The following KANSL1 variants were observed in gnomAD, a reference collection of about 807,000 sequenced individuals.
KANSL1 encodes the protein KAT8 regulatory NSL complex subunit 1.
In KANSL1, 22 loss-of-function variants were observed where a neutral mutation model predicts 103.6. The ratio of observed to expected loss-of-function variants is 0.21; its 90% confidence interval spans 0.15 to 0.30. The LOEUF is 0.30. KANSL1 is among the 10% of genes least tolerant of loss of function. The pLI is 1.00. For missense variants in KANSL1, 1,337 were observed against 1,399.8 expected (o/e 0.96, Z 0.72); for synonymous variants, 600 against 527.6 (o/e 1.14, Z -1.88).
chr17:46,034,740 G>T (rs1199590745), intron 10 of KANSL1: 1 of 177,216 alleles, frequency 5.6e-6, no homozygotes, highest in Non-Finnish European at 1.2e-5. Context: ...CAAAGGATAG[G>T]CCCATCTCAA....
intron 2 of KANSL1, among the ~76,000 whole-genome samples, chr17:46,131,615 A>T (rs1432827071): frequency 6.6e-6 from 1 of 152,242 alleles, no homozygotes; most frequent in Non-Finnish European, 1.5e-5. Context: ...TATTCTGCTG[A>T]GCACTATACA....
intron 2 of KANSL1, among the ~76,000 whole-genome samples, chr17:46,114,140 C>T (rs1317427214): frequency 2.0e-5 from 3 of 152,216 alleles, no homozygotes; most frequent in Admixed American, 2.0e-4. Context: ...TAGGGCAGAT[C>T]ACAAGGTCAC....
intron 1 of KANSL1, among the ~76,000 whole-genome samples, chr17:46,186,634 C>T (rs2047048878): frequency 6.6e-6 from 1 of 152,200 alleles, no homozygotes; most frequent in Non-Finnish European, 1.5e-5. Context: ...TTTTTGGAGA[C>T]ATGCTTAAGG....
At chr17:46,129,382 A>C (rs1428740725) in intron 2 of KANSL1, among the ~76,000 whole-genome samples, 5 of 152,262 alleles carry the variant, frequency 3.3e-5, no homozygotes, top group African/African-American at 1.2e-4. Context: ...TTCAACTCAA[A>C]GCACCACCTG....
At chr17:46,191,292 A>T (rs1399852205) in intron 1 of KANSL1, among the ~76,000 whole-genome samples, 1 of 152,364 alleles carries the variant, frequency 6.6e-6, no homozygotes, top group East Asian at 1.9e-4. Flanking sequence ...ATTACTACTC[A>T]AAAGTATTCA....
intron 1 of KANSL1, among the ~76,000 whole-genome samples, chr17:46,215,780 C>T (rs2048321025): frequency 6.6e-6 from 1 of 152,350 alleles, no homozygotes; most frequent in South Asian, 2.1e-4. Context: ...GTGGCTCACG[C>T]CTGTAATCCC....
At chr17:46,200,314 A>G (rs558938058) in intron 1 of KANSL1, among the ~76,000 whole-genome samples, 1 of 152,364 alleles carries the variant, frequency 6.6e-6, no homozygotes, top group African/African-American at 2.4e-5. Context: ...AAGGAAACAT[A>G]AAGGTAAATA....
rs2046282827 is a variant in KANSL1, at chr17:46,171,428, T to C, written c.716A>G (p.Gln239Arg). ...TCTACTGCTTCCTTGAAGTGCCGGC[T>C]GTTCCATGGAATTGACAGAGGATTT... The part of the protein sequence containing the change: ...ANKSSVNSME[Q>R]PALQGSSRLS... Residue 239 changes from glutamine to arginine, a missense_variant, in exon 2 of 15, where the codon CAG (glutamine) becomes CGG (arginine). Gln to Arg is a conservative substitution (Grantham distance 43). Coordinates refer to ENST00000432791, the MANE Select transcript of KANSL1 (RefSeq NM_015443.4). The C allele has an allele frequency of 1.2e-6, 2 of 1,614,154 alleles. No homozygotes were observed. The highest frequency in any genetic ancestry group is 4.5e-5 in the East Asian group (2 of 44,870).
chr17:46,195,536 A>G (rs2047577180), upstream of KANSL1, among the ~76,000 whole-genome samples: 4 of 152,224 alleles, frequency 2.6e-5, no homozygotes, highest in South Asian at 8.3e-4. Context: ...CTTATCTAAA[A>G]TCAGACATCT....
Position 46,031,381 on chromosome 17 carries a change from A to C in KANSL1, c.*95T>G. On this transcript the variant is annotated 3_prime_UTR_variant, in exon 15 of 15. Transcript: ENST00000432791. ...CCTTAAGTTCACTAAAAACTGTGAA[A>C]ATTTCCGGCATATGATGTTTGAATA... 4 of 1,195,534 alleles carry C rather than the reference A, an allele frequency of 3.3e-6. No homozygotes were observed. The Admixed American group carries it at 8.3e-5, about 25-fold the overall frequency. The allele number at this position is 1,195,534 out of a possible 1,614,324, so 74.1% of individuals were successfully genotyped here. A position where few individuals can be genotyped will look rare whatever the true frequency, so the allele number is the denominator to read the frequency against.
At chr17:46,188,993 A>G (rs2047167255) in intron 1 of KANSL1, among the ~76,000 whole-genome samples, 1 of 138,518 alleles carries the variant, frequency 7.2e-6, no homozygotes, top group Admixed American at 7.7e-5. Flanking sequence ...AGATCGCGCC[A>G]CTGCACTCCA....
At chr17:46,170,473 C>G (rs2046226281) in intron 2 of KANSL1, 1 of 236,736 alleles carries the variant, frequency 4.2e-6, no homozygotes, top group South Asian at 1.5e-4. Flanking sequence ...AGCATTTGTC[C>G]CTGCTTACTG....
chr17:46,085,399 C>T (rs1164149420), intron 3 of KANSL1, among the ~76,000 whole-genome samples: 2 of 152,182 alleles, frequency 1.3e-5, no homozygotes, highest in Non-Finnish European at 2.9e-5. Flanking sequence ...TCCTAAAGCA[C>T]GGTGATTGTA....
At chr17:46,108,662 G>A (rs1395815843) in intron 2 of KANSL1, among the ~76,000 whole-genome samples, 1 of 152,204 alleles carries the variant, frequency 6.6e-6, no homozygotes, top group Non-Finnish European at 1.5e-5. Flanking sequence ...AGGGAAGGAA[G>A]GAAGCAGGAA....
intron 2 of KANSL1, among the ~76,000 whole-genome samples, chr17:46,107,962 T>G (rs186188164): frequency 1.3e-5 from 2 of 152,344 alleles, no homozygotes; most frequent in Admixed American, 1.3e-4. Flanking sequence ...ATTCAGCCAC[T>G]TCTTGCCACT....
chr17:46,164,966 G>A (rs1294682166), intron 2 of KANSL1, among the ~76,000 whole-genome samples: 2 of 152,142 alleles, frequency 1.3e-5, no homozygotes, highest in Admixed American at 6.5e-5. Flanking sequence ...ATGATAGCCG[G>A]GTGTTTGGTG....
chr17:46,159,979 C>T (rs1389798085), intron 2 of KANSL1, among the ~76,000 whole-genome samples: 1 of 152,184 alleles, frequency 6.6e-6, no homozygotes, highest in Non-Finnish European at 1.5e-5. Context: ...AGCTATGTGC[C>T]TTCAGGTTGC....
chr17:46,166,755 A>T (rs2046021294), intron 2 of KANSL1, among the ~76,000 whole-genome samples: 1 of 152,192 alleles, frequency 6.6e-6, no homozygotes, highest in South Asian at 2.1e-4. Flanking sequence ...CTTAGCTCTA[A>T]ATTTCCAGAT....
rs2076985871 is a variant in KANSL1, at chr17:46,030,757, A to G, written c.*719T>C. 1 of 152,406 alleles carries G rather than the reference A, an allele frequency of 6.6e-6. No homozygotes were observed. The highest frequency in any genetic ancestry group is 2.4e-5 in the African/African-American group (1 of 41,398). The allele number at this position is 152,406 out of a possible 1,614,324, so 9.4% of individuals were successfully genotyped here. A position where few individuals can be genotyped will look rare whatever the true frequency, so the allele number is the denominator to read the frequency against. On this transcript the variant is annotated 3_prime_UTR_variant, in exon 15 of 15. Coordinates refer to ENST00000432791, the MANE Select transcript of KANSL1 (RefSeq NM_015443.4). ...GACGGGTTGTGGGTGTGTACATGGC[A>G]TGGGAGAGCAGACAGGGAAGGGTAC... is the stretch of plus-strand genomic sequence containing the variant.
Sources: gnomAD v4.1 joint callset for allele counts (sites outside exome capture counted in the v4.1 genomes callset) on GRCh38, gnomAD v4.1.1 for gene constraint, MANE v1.5 for transcripts, NCBI Gene and HGNC (gene_info 2026-07-23, HGNC 2026-07-21) for gene names.